The following DMXL1 variants were observed in gnomAD, a reference collection of about 807,000 sequenced individuals.
DMXL1 encodes the protein Dmx like 1.
Under a neutral mutation model 319.2 loss-of-function variants are expected in DMXL1, and 99 were observed. The observed-to-expected ratio is 0.31, with a 90% confidence interval of 0.26 to 0.37. The LOEUF (loss-of-function observed/expected upper bound fraction) is 0.37, where lower values mean the gene tolerates loss of function less well. Among genes scored for constraint, DMXL1 ranks in the 10% least tolerant of loss-of-function variants. The pLI is 1.00. For synonymous variants in DMXL1, 1,385 were observed against 1,235.2 expected (o/e 1.12, Z -2.54); for missense variants, 3,745 against 3,595.6 (o/e 1.04, Z -1.06).
At chr5:119,086,451 A>G (rs1170855901) in intron 1 of DMXL1, among the ~76,000 whole-genome samples, 1 of 152,128 alleles carries the variant, frequency 6.6e-6, no homozygotes, top group Non-Finnish European at 1.5e-5. Flanking sequence ...GTTTGCAGGT[A>G]TTTTATTGAG....
chr5:119,133,685 TTTAAAA>T lies in DMXL1; in HGVS notation c.1766_1771del (p.Lys589_Leu590del), dbSNP rs1309424202. ...CTGGTCACAATAAATCATCTAATAG[TTTAAAA>T]TTAAGTATTTTTACGCCTAATGTTA... On this transcript the variant is annotated inframe_deletion, in exon 12 of 44. Transcript: ENST00000539542. 2 of 1,614,090 alleles carry T rather than the reference TTTAAAA, an allele frequency of 1.2e-6. No homozygotes were observed. The highest frequency in any genetic ancestry group is 1.7e-6 in the Non-Finnish European group (2 of 1,180,032).
intron 35 of DMXL1, 99 bp from the exon 36 acceptor site, chr5:119,220,373 C>T: frequency 9.3e-7 from 1 of 1,075,254 alleles, no homozygotes; most frequent in African/African-American, 1.6e-5. Context: ...TTAGTTATCA[C>T]TGCTAGAGGT....
intron 13 of DMXL1, 66 bp from the exon 14 acceptor site, chr5:119,143,775 T>G: frequency 1.9e-6 from 2 of 1,080,878 alleles, no homozygotes; most frequent in Non-Finnish European, 2.7e-6. Flanking sequence ...TGCTTGAAAT[T>G]TTGTTATTTA....
At chr5:119,121,208 C>G in intron 9 of DMXL1, 69 bp downstream of exon 9, 3 of 1,300,108 alleles carry the variant, frequency 2.3e-6, no homozygotes, top group Non-Finnish European at 3.1e-6. Flanking sequence ...CTAAGTTATA[C>G]TTTTAGTTTT....
At chr5:119,080,723 A>G (rs1752011301) in intron 1 of DMXL1, among the ~76,000 whole-genome samples, 1 of 152,346 alleles carries the variant, frequency 6.6e-6, no homozygotes, top group African/African-American at 2.4e-5. Context: ...TTTAAAAGGC[A>G]GATTAGGATA....
rs780903311 is a variant in DMXL1, at chr5:119,129,469, G to A, written c.1315+46G>A. 24 of 1,404,766 alleles carry A rather than the reference G, an allele frequency of 1.7e-5. No homozygotes were observed. The Admixed American group carries it at 2.7e-4, about 16-fold the overall frequency. 87.0% of individuals were successfully genotyped at this position (1,404,766 alleles called of 1,614,324 possible). A position where few individuals can be genotyped will look rare whatever the true frequency, so the allele number is the denominator to read the frequency against. On this transcript the variant is annotated intron_variant, in intron 10 of 43. Transcript: ENST00000539542. ...AAAATTTAAAGTTTTGCTCAAAATA[G>A]CAAACATTTTCATATTAGGGTAAAA...
intron 1 of DMXL1, among the ~76,000 whole-genome samples, chr5:119,097,328 C>T (rs1756192986): frequency 1.3e-5 from 2 of 152,076 alleles, no homozygotes; most frequent in Admixed American, 1.3e-4. Flanking sequence ...TGTGGAAATG[C>T]ATTAGAGGGA....
chr5:119,197,624 A>C (rs148419845), intron 31 of DMXL1, 131 bp from the exon 32 acceptor site: 2 of 797,202 alleles, frequency 2.5e-6, no homozygotes, highest in Non-Finnish European at 4.0e-6. Context: ...GCCAAAGTGT[A>C]TGTTAATATT....
In DMXL1 at chr5:119,171,860, A is replaced by G. The variant is rs149865696; in HGVS notation, c.6572A>G (p.Lys2191Arg). ...PLLFACTANA[K>R]TVVANPLLHL... is the part of the protein sequence containing the mutation. ...CTCTTTGCTTGTACAGCCAATGCCA[A>G]AACAGTAGTTGCCAATCCATTATTG... Residue 2191 changes from lysine (K) to arginine (R), a missense_variant, in exon 25 of 44, where the codon AAA becomes AGA. Lys to Arg is a conservative substitution (Grantham distance 26, BLOSUM62 2). Coordinates refer to ENST00000539542, the MANE Select transcript of DMXL1 (RefSeq NM_001290321.3). The G allele has an allele frequency of 2.2e-5, 35 of 1,613,858 alleles. No homozygotes were observed. Among genetic ancestry groups the G allele is most frequent in the Non-Finnish European group, 2.7e-5 (32 of 1,179,908 alleles).
intron 38 of DMXL1, among the ~76,000 whole-genome samples, chr5:119,226,982 C>T (rs944016622): frequency 3.3e-5 from 5 of 152,170 alleles, no homozygotes; most frequent in African/African-American, 1.2e-4. Flanking sequence ...CTCATCAGAT[C>T]TCCTTGTTCA....
chr5:119,207,202 T>C (rs968073595), intron 34 of DMXL1, among the ~76,000 whole-genome samples: 3 of 152,208 alleles, frequency 2.0e-5, no homozygotes, highest in African/African-American at 7.2e-5. Context: ...CTAGTAGTAT[T>C]GTTTTAATTC....
At chr5:119,119,809 C>A (rs1761646112) in intron 8 of DMXL1, among the ~76,000 whole-genome samples, 1 of 151,882 alleles carries the variant, frequency 6.6e-6, no homozygotes, top group African/African-American at 2.4e-5. Context: ...TGGCGCTCGG[C>A]CTATTATTTT....
At chr5:119,147,578 T>C (rs1429607216) in intron 17 of DMXL1, 108 bp downstream of exon 17, 2 of 705,606 alleles carry the variant, frequency 2.8e-6, no homozygotes, top group Non-Finnish European at 4.8e-6. Context: ...GAACTAGAAA[T>C]GGAAATAATA....
intron 33 of DMXL1, among the ~76,000 whole-genome samples, chr5:119,204,461 T>C (rs1180612556): frequency 2.0e-5 from 3 of 152,174 alleles, no homozygotes; most frequent in African/African-American, 7.2e-5. Flanking sequence ...ATGTACATTT[T>C]CTTTTCTGTG....
chr5:119,139,272 A>G (rs1318724690), intron 13 of DMXL1, among the ~76,000 whole-genome samples: 2 of 152,214 alleles, frequency 1.3e-5, no homozygotes, highest in Admixed American at 6.5e-5. Flanking sequence ...TCAGATCCAC[A>G]CATGTCAGTG....
chr5:119,236,526 C>G (rs1292312755), intron 39 of DMXL1: 1 of 151,772 alleles, frequency 6.6e-6, no homozygotes, highest in Non-Finnish European at 1.5e-5. Flanking sequence ...TGTGTAATTA[C>G]CTGGGAAAGA....
chr5:119,084,657 A>C (rs1752939538), intron 1 of DMXL1, among the ~76,000 whole-genome samples: 2 of 151,900 alleles, frequency 1.3e-5, no homozygotes, highest in Admixed American at 1.3e-4. Flanking sequence ...TGAGGCTGTG[A>C]GTTCGAGACC....
intron 16 of DMXL1, 79 bp from the exon 17 acceptor site, chr5:119,147,170 T>C (rs906109632): frequency 7.7e-7 from 1 of 1,299,380 alleles, no homozygotes; most frequent in Non-Finnish European, 1.1e-6. Flanking sequence ...AAGGCAGTTT[T>C]GGATTGTAAA....
Position 119,149,997 on chromosome 5 carries a change from C to T in DMXL1, c.4170C>T (p.Asn1390=), listed in dbSNP as rs1326906240. 6.2e-7 allele frequency: 1 copy of T among 1,613,934 alleles called. No individual in the cohort carries two copies. Reference sequence around the variant, plus strand: ...CTACCAGAGACCCCCAGGCATTCAACAAGGCTGAAAATACAGATTACACAG... The same window carrying T: ...CTACCAGAGACCCCCAGGCATTCAATAAGGCTGAAAATACAGATTACACAG... ...GSTTRDPQAF[N]KAENTDYTEI... is the part of the protein sequence containing the mutation. Residue 1390 remains asparagine, a synonymous_variant, in exon 18 of 44, where the codon AAC becomes AAT. Coordinates refer to ENST00000539542, the MANE Select transcript of DMXL1 (RefSeq NM_001290321.3).
Sources: gnomAD v4.1 joint callset for allele counts (sites outside exome capture counted in the v4.1 genomes callset) on GRCh38, gnomAD v4.1.1 for gene constraint, MANE v1.5 for transcripts, NCBI Gene and HGNC (gene_info 2026-07-23, HGNC 2026-07-21) for gene names.